Variants in ZNF423 observed in about 807,000 individuals in gnomAD.
ZNF423 encodes Ebf-associated zinc finger protein.
ZNF423 carries 12 observed loss-of-function variants against 95.8 expected under a neutral mutation model. The ratio of observed to expected loss-of-function variants is 0.13; its 90% CI spans 0.08 to 0.20. The LOEUF (loss-of-function observed/expected upper bound fraction) is 0.20, where lower values mean the gene tolerates loss of function less well. Among genes scored for constraint, ZNF423 ranks in the 10% least tolerant of loss-of-function variants. The probability of loss-of-function intolerance (pLI) is 1.00; values close to 1 mark genes in which losing one functional copy is unlikely to be tolerated. For synonymous variants in ZNF423, 749 were observed against 711.9 expected (o/e 1.05, Z -0.83); for missense variants, 1,316 against 1,737.1 (o/e 0.76, Z 4.31).
chr16:49,786,141 A>G (rs1231831605), intron 2 of ZNF423, among the ~76,000 whole-genome samples: 1 of 151,938 alleles, frequency 6.6e-6, no homozygotes, highest in Non-Finnish European at 1.5e-5. Flanking sequence ...TCCGCTCCCC[A>G]CGCCCCCGCC....
chr16:49,575,512 C>A (rs1277862665), intron 5 of ZNF423, among the ~76,000 whole-genome samples: 1 of 152,182 alleles, frequency 6.6e-6, no homozygotes, highest in Admixed American at 6.5e-5. Flanking sequence ...AAGTGCAGAG[C>A]ATGTGTTAGG....
chr16:49,547,615 C>A (rs933506353), intron 5 of ZNF423, among the ~76,000 whole-genome samples: 2 of 152,190 alleles, frequency 1.3e-5, no homozygotes, highest in African/African-American at 4.8e-5. Context: ...TGGGCCCTGG[C>A]GGGGAACCTC....
rs547290774 is a variant in ZNF423, at chr16:49,713,714, A to G, written c.301+17057T>C. 2.6e-5 allele frequency among the ~76,000 whole-genome samples: 4 copies of G among 152,350 alleles called. No homozygotes were observed. The South Asian group carries it at 8.3e-4, about 32-fold the overall frequency. On this transcript the variant is annotated intron_variant, in intron 3 of 7. Coordinates refer to ENST00000563137, the MANE Select transcript of ZNF423 (RefSeq NM_001379286.1). ...CCCTGACCAAGGGGGTATTCTTTAA[A>G]GAATTTTTAAGTAAATATGTCTGCA...
rs1048045832 is a variant in ZNF423, at chr16:49,831,472, G to A, written c.40+24263C>T. Among the ~76,000 whole-genome samples, 13 of 152,254 alleles carry A rather than the reference G, an allele frequency of 8.5e-5. No homozygotes were observed. In the South Asian group the frequency reaches 1.2e-3, roughly 15 times the overall value. On this transcript the variant is annotated intron_variant, in intron 1 of 7. Coordinates refer to ENST00000563137, the MANE Select transcript of ZNF423 (RefSeq NM_001379286.1). ...TCGGGCAGCTGTATGACCTTGGGCC[G>A]CAGAGCCTCAGTTTCCTCACCTATA...
chr16:49,746,004 T>A (rs77501389), intron 2 of ZNF423, among the ~76,000 whole-genome samples: 1 of 152,068 alleles, frequency 6.6e-6, no homozygotes, highest in Non-Finnish European at 1.5e-5. Flanking sequence ...TGAGGACAGG[T>A]GCAGGGGGAT....
intron 5 of ZNF423, among the ~76,000 whole-genome samples, chr16:49,602,346 C>T (rs1971400144): frequency 6.6e-6 from 1 of 152,218 alleles, no homozygotes; most frequent in Non-Finnish European, 1.5e-5. Flanking sequence ...AGGAGGCCCT[C>T]CTCATCTTTT....
intron 3 of ZNF423, among the ~76,000 whole-genome samples, chr16:49,655,825 C>T (rs1417934029): frequency 6.6e-6 from 1 of 152,222 alleles, no homozygotes; most frequent in Non-Finnish European, 1.5e-5. Context: ...GGTCACTTCG[C>T]CCCTGAACCC....
At position 49,638,447 on chromosome 16, in the gene ZNF423, G is replaced by A; in HGVS notation, c.729C>T (p.Ser243=). 6.2e-7 allele frequency: 1 copy of A among 1,613,930 alleles called. No individual in the cohort carries two copies. The highest frequency in any genetic ancestry group is 8.5e-7 in the Non-Finnish European group (1 of 1,180,044). Reference sequence around the variant, plus strand: ...GGGCCTGCATGTGGCTCTGCAGCGAGCTGGTGGAGGAGAAGCCGCGCTTGC... The same window carrying A: ...GGGCCTGCATGTGGCTCTGCAGCGAACTGGTGGAGGAGAAGCCGCGCTTGC... ...TVCKRGFSST[S]SLQSHMQAHK... is the part of the protein sequence containing the mutation. The change falls in exon 4 of 8, where the codon AGC becomes AGT. Residue 243 remains serine (S), a synonymous_variant. Coordinates refer to ENST00000563137, the MANE Select transcript of ZNF423 (RefSeq NM_001379286.1). The surrounding 1 kb of genome is among the most constrained non-coding windows in gnomAD (Gnocchi z 5.6).
chr16:49,553,344 A>G (rs1246010059), intron 5 of ZNF423, among the ~76,000 whole-genome samples: 1 of 151,862 alleles, frequency 6.6e-6, no homozygotes, highest in Non-Finnish European at 1.5e-5. Flanking sequence ...TTCTTTTCTT[A>G]TATTTTATTT....
chr16:49,812,665 G>T (rs184858808), intron 1 of ZNF423, among the ~76,000 whole-genome samples: 1 of 152,186 alleles, frequency 6.6e-6, no homozygotes, highest in African/African-American at 2.4e-5. Context: ...GGGCAACAGC[G>T]TGAGATCCCA....
chr16:49,759,463 G>A (rs992297713), intron 2 of ZNF423, among the ~76,000 whole-genome samples: 3 of 152,034 alleles, frequency 2.0e-5, no homozygotes, highest in Admixed American at 6.5e-5. Context: ...AAGAGCCAGC[G>A]AATGGCTGCA....
chr16:49,522,337 G>A (rs1286465462), intron 7 of ZNF423, among the ~76,000 whole-genome samples: 1 of 152,170 alleles, frequency 6.6e-6, no homozygotes, highest in African/African-American at 2.4e-5. Context: ...CCGAGGGGAA[G>A]CTTGAAGTGC....
chr16:49,764,905 G>A (rs557112784), intron 2 of ZNF423, among the ~76,000 whole-genome samples: 58 of 149,762 alleles, frequency 3.9e-4, no homozygotes, highest in African/African-American at 1.4e-3. Context: ...GCGCCACCAC[G>A]CCCAGCTAAT....
At chr16:49,832,145 T>G (rs974927303) in intron 1 of ZNF423, among the ~76,000 whole-genome samples, 1 of 152,158 alleles carries the variant, frequency 6.6e-6, no homozygotes, top group East Asian at 1.9e-4. Flanking sequence ...GCAGGCATCA[T>G]TCCTTAGCTA....
intron 3 of ZNF423, among the ~76,000 whole-genome samples, chr16:49,689,477 G>A (rs2031697066): frequency 6.6e-6 from 1 of 152,032 alleles, no homozygotes; most frequent in Non-Finnish European, 1.5e-5. Flanking sequence ...AAGAATTTAG[G>A]CCAATATTTG....
chr16:49,834,136 T>C (rs1449201585), intron 1 of ZNF423, among the ~76,000 whole-genome samples: 2 of 152,122 alleles, frequency 1.3e-5, no homozygotes, highest in African/African-American at 2.4e-5. Context: ...AATTGGAGGA[T>C]GTTAGGGCGA....
At chr16:49,845,422 G>A (rs1055347046) in intron 1 of ZNF423, among the ~76,000 whole-genome samples, 2 of 151,674 alleles carry the variant, frequency 1.3e-5, no homozygotes, top group African/African-American at 4.8e-5. Flanking sequence ...TTTTTTAATG[G>A]ATGAGAGGTT....
chr16:49,817,609 G>A (rs2144003750), intron 1 of ZNF423, among the ~76,000 whole-genome samples: 1 of 152,312 alleles, frequency 6.6e-6, no homozygotes, highest in African/African-American at 2.4e-5. Context: ...GAGGACAGCT[G>A]GGGAGAGTGG....
intron 4 of ZNF423, among the ~76,000 whole-genome samples, chr16:49,626,757 A>G (rs1204321560): frequency 1.3e-5 from 2 of 149,656 alleles, no homozygotes; most frequent in Non-Finnish European, 3.0e-5. Context: ...ATACACACCC[A>G]CCAATAGACC....
Sources: gnomAD v4.1 joint callset for allele counts (sites outside exome capture counted in the v4.1 genomes callset) on GRCh38, gnomAD v4.1.1 for gene constraint, Gnocchi (gnomAD v3.1) non-coding constraint, MANE v1.5 for transcripts, NCBI Gene and HGNC (gene_info 2026-07-23, HGNC 2026-07-21) for gene names.